SSBP4: variants seen among roughly 807,000 people sequenced by gnomAD.
SSBP4 encodes single-stranded DNA-binding protein 4.
Under a neutral mutation model 64.6 loss-of-function variants are expected in SSBP4, and 33 were observed. The observed-to-expected ratio is 0.51, with a 90% confidence interval of 0.39 to 0.68. SSBP4 has a LOEUF of 0.68. SSBP4 is among the 30% of genes least tolerant of loss of function. The pLI is 0.00. For missense variants in SSBP4, 583 were observed against 566.8 expected, an observed-to-expected ratio of 1.03 and a Z score of -0.29; for synonymous variants, 243 against 224.0, an observed-to-expected ratio of 1.08 and a Z score of -0.76.
At chr19:18,420,656 G>C (rs1972387700) in intron 1 of SSBP4, among the ~76,000 whole-genome samples, 1 of 151,980 alleles carries the variant, frequency 6.6e-6, no homozygotes, top group Non-Finnish European at 1.5e-5. Context: ...CCAAGAGATC[G>C]AGACAATCCT....
chr19:18,429,140 C>G (rs1445240734), intron 4 of SSBP4, among the ~76,000 whole-genome samples: 1 of 152,142 alleles, frequency 6.6e-6, no homozygotes, highest in Non-Finnish European at 1.5e-5. Context: ...CTCGTCATGC[C>G]GGGCCGTCGC....
the SSBP4 span, among the ~76,000 whole-genome samples, chr19:18,406,146 A>G: frequency 2.0e-5 from 3 of 150,818 alleles, no homozygotes; most frequent in African/African-American, 7.3e-5. Context: ...CAAGCCAAAA[A>G]CTTTATTTAT....
At chr19:18,416,544 A>T (rs1333400510), upstream of SSBP4, among the ~76,000 whole-genome samples, 1 of 151,228 alleles carries the variant, frequency 6.6e-6, no homozygotes, top group African/African-American at 2.4e-5. Flanking sequence ...ACACCCTCCC[A>T]TTGCTCCCTA....
intron 4 of SSBP4, among the ~76,000 whole-genome samples, chr19:18,429,119 C>A (rs1466184600): frequency 6.6e-6 from 1 of 152,300 alleles, no homozygotes; most frequent in South Asian, 2.1e-4. Context: ...GTGACCGAAT[C>A]CCCGCGGGGA....
At chr19:18,430,701 G>A (rs967596931) in intron 4 of SSBP4, 140 bp from the exon 5 acceptor site, 16 of 668,842 alleles carry the variant, frequency 2.4e-5, no homozygotes, top group African/African-American at 1.1e-4. Flanking sequence ...TCCTCAGGCC[G>A]ACAACCCCAG....
chr19:18,434,398 A>AT lies in SSBP4; in HGVS notation c.*156dup. The AT allele has an allele frequency of 7.4e-7, 1 of 1,355,346 alleles. No homozygotes were observed. Among genetic ancestry groups the AT allele is most frequent in the Non-Finnish European group, 9.6e-7 (1 of 1,036,600 alleles). The allele number at this position is 1,355,346 out of a possible 1,614,324, so 84.0% of individuals were successfully genotyped here. The stretch of plus-strand genomic sequence containing the variant: ...AGGCCCCACACGAAAGACTCTTACC[A>AT]TTTTATTAAAAACGCAAGGACCTCA... On this transcript the variant is annotated 3_prime_UTR_variant, in exon 18 of 18. Transcript: ENST00000270061.
rs772284920 is a variant in SSBP4, at chr19:18,430,916, G to C, written c.355G>C (p.Ala119Pro). The change falls in exon 5 of 18, where the codon GCT becomes CCT. Residue 119 changes from alanine (A) to proline (P), a missense_variant. Ala to Pro is a conservative substitution (Grantham distance 27, BLOSUM62 -1). Coordinates refer to ENST00000270061, the MANE Select transcript of SSBP4 (RefSeq NM_032627.5). Reference protein sequence around the residue: ...GDTMAAGSMAAGFFQGPPGSQ... With the variant: ...GDTMAAGSMAPGFFQGPPGSQ... ...CACAATGGCCGCAGGCTCCATGGCGGCTGGCTTCTTCCAGGTATGGCCCCG... is the reference window on the plus strand; with the variant it reads ...CACAATGGCCGCAGGCTCCATGGCGCCTGGCTTCTTCCAGGTATGGCCCCG... The C allele has an allele frequency of 1.9e-6, 3 of 1,612,512 alleles. No homozygotes were observed. The African/African-American group carries it at 4.0e-5, about 22-fold the overall frequency.
chr19:18,432,227 G>A lies in SSBP4; in HGVS notation c.704+13G>A. On this transcript the variant is annotated intron_variant, in intron 10 of 17. Transcript: ENST00000270061. Reference sequence around the variant, plus strand: ...CTGCCATGAACATGTAAGACCCTGGGGGATCCTAGGAGTGTGCAGTTCGCA... The same window carrying A: ...CTGCCATGAACATGTAAGACCCTGGAGGATCCTAGGAGTGTGCAGTTCGCA... 2 of 1,612,580 alleles carry A rather than the reference G, an allele frequency of 1.2e-6. No individual in the cohort carries two copies. The highest frequency in any genetic ancestry group is 1.7e-6 in the Non-Finnish European group (2 of 1,179,776).
the SSBP4 span, among the ~76,000 whole-genome samples, chr19:18,410,009 T>C: frequency 6.6e-6 from 1 of 152,168 alleles, no homozygotes; most frequent in Non-Finnish European, 1.5e-5. Context: ...TTTTTGTTTT[T>C]TGGAGACGGA....
chr19:18,433,879 G>A (rs1166825672), intron 17 of SSBP4, 62 bp downstream of exon 17: 7 of 1,295,514 alleles, frequency 5.4e-6, no homozygotes, highest in African/African-American at 3.1e-5. Flanking sequence ...TGGCGGGCAG[G>A]CCCCGGCGGG....
chr19:18,406,662 TA>T, the SSBP4 span, among the ~76,000 whole-genome samples: 30 of 146,496 alleles, frequency 2.0e-4, no homozygotes, highest in East Asian at 2.0e-4. Flanking sequence ...AAATATAAAT[TA>T]AAAAAAAAAA....
At chr19:18,416,026 T>C (rs1279698277), upstream of SSBP4, among the ~76,000 whole-genome samples, 1 of 152,108 alleles carries the variant, frequency 6.6e-6, no homozygotes, top group Non-Finnish European at 1.5e-5. Context: ...TTTTTAGTTT[T>C]TGTTGTTGTT....
chr19:18,431,616 G>A (rs1054768141), intron 6 of SSBP4, 31 bp from the exon 7 acceptor site: 16 of 1,527,694 alleles, frequency 1.0e-5, no homozygotes, highest in East Asian at 9.9e-5. Flanking sequence ...GAGGGTGGGG[G>A]AAGGTGCTGA....
chr19:18,416,514 C>T (rs1220699237), upstream of SSBP4, among the ~76,000 whole-genome samples: 2 of 152,098 alleles, frequency 1.3e-5, no homozygotes, highest in African/African-American at 4.8e-5. Flanking sequence ...ACGTAGATCC[C>T]ATCCTCTCCT....
chr19:18,431,556 C>G (rs1290587993), intron 6 of SSBP4, 91 bp from the exon 7 acceptor site: 3 of 1,479,978 alleles, frequency 2.0e-6, no homozygotes, highest in Middle Eastern at 2.4e-4. Context: ...GAGGGGGCTC[C>G]CCAGGTCGGG....
upstream of SSBP4, among the ~76,000 whole-genome samples, chr19:18,417,024 C>A (rs751660204): frequency 6.6e-6 from 1 of 152,140 alleles, no homozygotes; most frequent in Non-Finnish European, 1.5e-5. This position sits in a 1 kb window ranked among gnomAD's most constrained non-coding sequence, Gnocchi z 5.4. Flanking sequence ...CCGCGCCTCC[C>A]CCATCACAGC....
the SSBP4 span, among the ~76,000 whole-genome samples, chr19:18,413,539 C>A: frequency 6.6e-6 from 1 of 152,086 alleles, no homozygotes; most frequent in African/African-American, 2.4e-5. Flanking sequence ...CCACCCCCAA[C>A]CTCATTTTGA....
At chr19:18,424,791 C>A (rs1972726743) in intron 1 of SSBP4, among the ~76,000 whole-genome samples, 1 of 150,946 alleles carries the variant, frequency 6.6e-6, no homozygotes, top group South Asian at 2.1e-4. Context: ...CAGGTGCACG[C>A]CTGTGCGCAC....
intron 15 of SSBP4, 52 bp from the exon 16 acceptor site, chr19:18,433,533 G>A: frequency 6.5e-7 from 1 of 1,545,218 alleles, no homozygotes; most frequent in Non-Finnish European, 8.7e-7. Flanking sequence ...GAGGCCGAGG[G>A]GCATGGCGCC....
Sources: allele counts gnomAD v4.1 joint callset (sites outside exome capture counted in the v4.1 genomes callset), GRCh38; gene constraint gnomAD v4.1.1; non-coding constraint Gnocchi (gnomAD v3.1); transcripts MANE v1.5; gene names NCBI Gene and HGNC (gene_info 2026-07-23, HGNC 2026-07-21).